ADCY2: variants seen among roughly 807,000 people sequenced by gnomAD.
ADCY2 encodes the protein adenylate cyclase type 2.
Under a neutral mutation model 125.2 loss-of-function variants are expected in ADCY2, and 31 were observed. The observed-to-expected ratio is 0.25, with a 90% confidence interval of 0.19 to 0.33. The LOEUF (loss-of-function observed/expected upper bound fraction) is 0.33. Ranked by LOEUF, ADCY2 falls within the 10% of genes least tolerant of loss-of-function variation. ADCY2 has a pLI of 1.00. For missense variants in ADCY2, 904 were observed against 1,418.2 expected, an observed-to-expected ratio of 0.64 and a Z score of 5.82; for synonymous variants, 512 against 548.4, an observed-to-expected ratio of 0.93 and a Z score of 0.93.
intron 20 of ADCY2, chr5:7,793,562 G>A (rs2388803): frequency 0.79 from 120,602 of 151,916 alleles, 48,461 homozygotes; most frequent in African/African-American, 0.87. Context: ...ACAGGAGCCC[G>A]GAGTGGGGAC....
At chr5:7,756,324 T>C (rs923250667) in intron 15 of ADCY2, among the ~76,000 whole-genome samples, 6 of 152,166 alleles carry the variant, frequency 3.9e-5, no homozygotes, top group African/African-American at 1.4e-4. Flanking sequence ...GGGGAGCAAA[T>C]GCTGGCTGTC....
chr5:7,415,493 C>A (rs1340797539), intron 2 of ADCY2, among the ~76,000 whole-genome samples: 1 of 152,160 alleles, frequency 6.6e-6, no homozygotes, highest in Non-Finnish European at 1.5e-5. Context: ...GTCTAGGCTT[C>A]CTATTTCTCC....
At chr5:7,784,196 T>C (rs1209718311) in intron 18 of ADCY2, among the ~76,000 whole-genome samples, 169 bp from the exon 19 acceptor site, 3 of 152,244 alleles carry the variant, frequency 2.0e-5, no homozygotes, top group African/African-American at 4.8e-5. Context: ...ATTTTTGTTT[T>C]GTTTTAATGC....
chr5:7,640,973 A>G (rs1738683497), intron 4 of ADCY2, among the ~76,000 whole-genome samples: 1 of 152,208 alleles, frequency 6.6e-6, no homozygotes, highest in African/African-American at 2.4e-5. Context: ...GTGCTTGCTC[A>G]CTGTTCAGCC....
At chr5:7,703,952 A>G (rs1267518350) in intron 7 of ADCY2, among the ~76,000 whole-genome samples, 12 of 150,934 alleles carry the variant, frequency 8.0e-5, no homozygotes, top group Non-Finnish European at 1.3e-4. Flanking sequence ...CAGTGAGACA[A>G]GATCACACCA....
chr5:7,512,241 G>A (rs72709182), intron 2 of ADCY2, among the ~76,000 whole-genome samples: 8,524 of 75,282 alleles, frequency 0.11, 19 homozygotes, highest in East Asian at 0.16. Flanking sequence ...AAAAAAAAAA[G>A]AAAACCATCA....
intron 3 of ADCY2, among the ~76,000 whole-genome samples, chr5:7,523,422 C>T (rs1411583435): frequency 4.0e-5 from 6 of 151,750 alleles, no homozygotes; most frequent in African/African-American, 1.5e-4. Context: ...GCCAGAGATG[C>T]GATAATTCTA....
chr5:7,545,898 G>A (rs1735132803), intron 3 of ADCY2, among the ~76,000 whole-genome samples: 1 of 152,176 alleles, frequency 6.6e-6, no homozygotes, highest in African/African-American at 2.4e-5. Context: ...AGCTTCTCCA[G>A]GCAAGTTGTC....
chr5:7,648,138 T>C (rs1394291643), intron 4 of ADCY2, among the ~76,000 whole-genome samples: 1 of 152,222 alleles, frequency 6.6e-6, no homozygotes, highest in African/African-American at 2.4e-5. Flanking sequence ...GAAAATTATA[T>C]GACTGGTTGC....
chr5:7,674,003 TGAA>T (rs1740028941), intron 4 of ADCY2, among the ~76,000 whole-genome samples: 2 of 152,082 alleles, frequency 1.3e-5, no homozygotes, highest in African/African-American at 4.8e-5. Context: ...CACTGGAAGA[TGAA>T]GGAGGAGGAA....
intron 3 of ADCY2, among the ~76,000 whole-genome samples, chr5:7,554,014 A>G (rs1056546590): frequency 4.6e-5 from 7 of 152,220 alleles, no homozygotes; most frequent in African/African-American, 1.7e-4. Flanking sequence ...GAAACATGGA[A>G]GGCTTAGAAG....
At chr5:7,479,231 G>A (rs1742633474) in intron 2 of ADCY2, among the ~76,000 whole-genome samples, 1 of 148,786 alleles carries the variant, frequency 6.7e-6, no homozygotes, top group Admixed American at 6.6e-5. Flanking sequence ...GTTTGAATAA[G>A]AGTGATAAGA....
chr5:7,630,580 G>T (rs1256522695), intron 4 of ADCY2, among the ~76,000 whole-genome samples: 2 of 152,080 alleles, frequency 1.3e-5, no homozygotes, highest in Non-Finnish European at 2.9e-5. Context: ...GAGGTTACAA[G>T]TCCAAAATCA....
At position 7,681,131 on chromosome 5, in the gene ADCY2, T is replaced by C. The variant is rs193260049; in HGVS notation, c.721-9560T>C. On this transcript the variant is annotated intron_variant, in intron 4 of 24. Coordinates refer to ENST00000338316, the MANE Select transcript of ADCY2 (RefSeq NM_020546.3). Reference sequence around the variant, plus strand: ...CCGCTTTCTGATGTGATGACTTCCCTGCAGTTGCCTTTTGCATCTTTAATC... The same window carrying C: ...CCGCTTTCTGATGTGATGACTTCCCCGCAGTTGCCTTTTGCATCTTTAATC... Among the ~76,000 whole-genome samples, 569 of 152,204 alleles carry C rather than the reference T, an allele frequency of 3.7e-3. 4 individuals are homozygous for C. Among genetic ancestry groups the C allele is most frequent in the Non-Finnish European group, 6.2e-3 (420 of 68,008 alleles).
chr5:7,710,854 A>C (rs1270221486), intron 10 of ADCY2, among the ~76,000 whole-genome samples: 1 of 152,162 alleles, frequency 6.6e-6, no homozygotes, highest in East Asian at 1.9e-4. Context: ...ACGAGAAGCA[A>C]ATTCAGGGGC....
At chr5:7,561,332 A>C (rs1735701584) in intron 3 of ADCY2, among the ~76,000 whole-genome samples, 1 of 152,220 alleles carries the variant, frequency 6.6e-6, no homozygotes, top group South Asian at 2.1e-4. Flanking sequence ...GTAGCCTGCT[A>C]CACACCTAGG....
chr5:7,816,323 C>A (rs1745109504), intron 22 of ADCY2, among the ~76,000 whole-genome samples: 1 of 152,244 alleles, frequency 6.6e-6, no homozygotes, highest in Non-Finnish European at 1.5e-5. Flanking sequence ...AGAAGACTGA[C>A]CCCTGTGGAA....
chr5:7,721,473 A>G (rs1741756343), intron 12 of ADCY2, among the ~76,000 whole-genome samples: 1 of 152,226 alleles, frequency 6.6e-6, no homozygotes, highest in South Asian at 2.1e-4. Flanking sequence ...GTCCTTGCCC[A>G]GGCCTATAGC....
intron 17 of ADCY2, among the ~76,000 whole-genome samples, chr5:7,768,975 A>G (rs1190389280): frequency 6.6e-6 from 1 of 152,198 alleles, no homozygotes; most frequent in African/African-American, 2.4e-5. Flanking sequence ...TAGAAAAGCC[A>G]TTTTGTGAGT....
Sources: gnomAD v4.1 joint callset for allele counts (sites outside exome capture counted in the v4.1 genomes callset) on GRCh38, gnomAD v4.1.1 for gene constraint, MANE v1.5 for transcripts, NCBI Gene and HGNC (gene_info 2026-07-23, HGNC 2026-07-21) for gene names.